PDE10A: variants seen among roughly 807,000 people sequenced by gnomAD.
PDE10A encodes cAMP and cAMP-inhibited cGMP 3',5'-cyclic phosphodiesterase 10A.
Under a neutral mutation model 97.7 loss-of-function variants are expected in PDE10A, and 39 were observed. The observed-to-expected ratio is 0.40, with a 90% CI of 0.31 to 0.52. PDE10A has a LOEUF of 0.52. Among genes scored for constraint, PDE10A ranks in the 20% least tolerant of loss-of-function variants. The pLI is 0.56. For synonymous variants in PDE10A, 371 were observed against 376.8 expected (o/e 0.98, Z 0.18); for missense variants, 731 against 1,047.8 (o/e 0.70, Z 4.17).
Position 165,655,363 on chromosome 6 carries a change from T to C in PDE10A, c.865+6584A>G, listed in dbSNP as rs973302717. Among the ~76,000 whole-genome samples the C allele has an allele frequency of 3.9e-5, 6 of 152,060 alleles. No individual in the cohort carries two copies. The highest frequency in any genetic ancestry group is 1.4e-4 in the African/African-American group (6 of 41,392). ...GAACACCACCAAACGCCACGCCTGA[T>C]TCCTTGCGCACCCCACGTGCTCCTC... On this transcript the variant is annotated intron_variant, in intron 1 of 21. Coordinates refer to ENST00000539869, the MANE Select transcript of PDE10A (RefSeq NM_001385079.1). This position sits in a 1 kb window ranked among gnomAD's most constrained non-coding sequence, Gnocchi z 4.5.
chr6:165,380,080 T>C (rs1283507745), intron 17 of PDE10A, among the ~76,000 whole-genome samples: 1 of 152,186 alleles, frequency 6.6e-6, no homozygotes, highest in Non-Finnish European at 1.5e-5. Context: ...ATATCCTTCG[T>C]GTATTAATCT....
At chr6:165,660,615 A>G (rs1267473249) in intron 1 of PDE10A, 40 of 152,628 alleles carry the variant, frequency 2.6e-4, no homozygotes, top group Non-Finnish European at 8.8e-5. Context: ...GTGAGCCCGG[A>G]GCAGCTTCGG....
At chr6:165,956,016 G>A (rs554910616) in intron 1 of PDE10A, among the ~76,000 whole-genome samples, 1 of 152,334 alleles carries the variant, frequency 6.6e-6, no homozygotes, top group African/African-American at 2.4e-5. Flanking sequence ...GGAAACATCT[G>A]TAAACTGCCT....
rs1002747647 is a variant in PDE10A at position 165,328,943 on chromosome 6, T to C, written c.*4082A>G. On this transcript the variant is annotated 3_prime_UTR_variant, in exon 22 of 22. Transcript: ENST00000539869. ...TACTTATGCACATGTAAAAATCTCA[T>C]GGCCATGCGCTGAAAGCATGGGGAA... 2.0e-5 allele frequency: 3 copies of C among 152,214 alleles called. No homozygotes were observed. The highest frequency in any genetic ancestry group is 4.8e-5 in the African/African-American group (2 of 41,460). The allele number at this position is 152,214 out of a possible 1,614,324, so 9.4% of individuals were successfully genotyped here.
intron 1 of PDE10A, among the ~76,000 whole-genome samples, chr6:165,903,836 G>A (rs1782184944): frequency 6.6e-6 from 1 of 152,202 alleles, no homozygotes; most frequent in African/African-American, 2.4e-5. Context: ...AGGAACCAAG[G>A]GAAGAGGGTG....
At chr6:165,699,028 A>G (rs568789255) in intron 1 of PDE10A, among the ~76,000 whole-genome samples, 14 of 152,218 alleles carry the variant, frequency 9.2e-5, no homozygotes, top group Non-Finnish European at 1.8e-4. Context: ...TGGGTTAACA[A>G]TTCATCAAAA....
intron 16 of PDE10A, among the ~76,000 whole-genome samples, chr6:165,389,991 C>T (rs997629841): frequency 5.9e-5 from 9 of 152,110 alleles, no homozygotes; most frequent in African/African-American, 2.2e-4. Flanking sequence ...TCAGGTTATG[C>T]CAAACATTGC....
intron 3 of PDE10A, among the ~76,000 whole-genome samples, chr6:165,465,856 C>T (rs1197129145): frequency 6.6e-6 from 1 of 152,120 alleles, no homozygotes; most frequent in African/African-American, 2.4e-5. Context: ...CAAAGCCAAA[C>T]CATATCAGGT....
At chr6:165,429,725 G>C (rs1055400701) in intron 9 of PDE10A, among the ~76,000 whole-genome samples, 9 of 151,978 alleles carry the variant, frequency 5.9e-5, no homozygotes, top group Non-Finnish European at 1.0e-4. Context: ...GCAGACTCCT[G>C]TAGTAAATAA....
At chr6:165,804,828 C>T (rs1047473456) in intron 1 of PDE10A, among the ~76,000 whole-genome samples, 1 of 151,400 alleles carries the variant, frequency 6.6e-6, no homozygotes, top group Non-Finnish European at 1.5e-5. Flanking sequence ...CAGGCGTGGG[C>T]GGCGACAGCT....
At chr6:165,788,628 T>C (rs1463301432) in intron 1 of PDE10A, among the ~76,000 whole-genome samples, 1 of 151,962 alleles carries the variant, frequency 6.6e-6, no homozygotes, top group Admixed American at 6.6e-5. Context: ...TTTCAGGGGA[T>C]ATTTAATCTA....
intron 1 of PDE10A, among the ~76,000 whole-genome samples, chr6:165,860,392 C>T (rs558688821): frequency 3.9e-5 from 6 of 152,226 alleles, no homozygotes; most frequent in African/African-American, 1.4e-4. Context: ...GCAGAGGTTG[C>T]GGTGAGCCGA....
At chr6:165,513,753 T>G (rs939311834) in intron 2 of PDE10A, among the ~76,000 whole-genome samples, 6 of 152,164 alleles carry the variant, frequency 3.9e-5, no homozygotes, top group Admixed American at 6.5e-5. Flanking sequence ...CTAAATGTCT[T>G]AAGTATTTTA....
rs1788612136 is a variant in PDE10A, at chr6:165,631,181, CAT to C, written c.865+30764_865+30765del. Among the ~76,000 whole-genome samples the C allele has an allele frequency of 5.9e-5, 9 of 152,284 alleles. No individual in the cohort carries two copies. In the South Asian group the frequency reaches 1.9e-3, roughly 32 times the overall value. On this transcript the variant is annotated intron_variant, in intron 1 of 21. Transcript: ENST00000539869. ...GAAATAGGTTAATCTTATTCAATTT[CAT>C]ATGTTATTAAGATTATCACTTTGGT...
At chr6:165,337,312 C>A (rs1781709618) in intron 20 of PDE10A, among the ~76,000 whole-genome samples, 1 of 152,178 alleles carries the variant, frequency 6.6e-6, no homozygotes, top group Admixed American at 6.5e-5. Context: ...AGACAAATAG[C>A]TCTCTAGAAG....
intron 3 of PDE10A, among the ~76,000 whole-genome samples, chr6:165,461,382 T>C (rs971253142): frequency 6.6e-6 from 1 of 152,216 alleles, no homozygotes; most frequent in Non-Finnish European, 1.5e-5. Flanking sequence ...TTCATTGTTT[T>C]ACAGATGGAT....
intron 3 of PDE10A, among the ~76,000 whole-genome samples, chr6:165,452,099 C>T (rs1341452962): frequency 6.6e-6 from 1 of 152,170 alleles, no homozygotes; most frequent in East Asian, 1.9e-4. Context: ...ATGAGAAACA[C>T]ATTTACAGGG....
intron 1 of PDE10A, among the ~76,000 whole-genome samples, chr6:165,546,142 T>C (rs751450256): frequency 6.6e-6 from 1 of 152,034 alleles, no homozygotes; most frequent in Non-Finnish European, 1.5e-5. Context: ...CATATTGCTA[T>C]GAGAAGAAAA....
At chr6:165,826,149 T>C (rs1379937803) in intron 1 of PDE10A, among the ~76,000 whole-genome samples, 1 of 152,180 alleles carries the variant, frequency 6.6e-6, no homozygotes, top group Non-Finnish European at 1.5e-5. Context: ...TTGTATTTCT[T>C]GATCACAGAG....
Sources: gnomAD v4.1 joint callset for allele counts (sites outside exome capture counted in the v4.1 genomes callset) on GRCh38, gnomAD v4.1.1 for gene constraint, Gnocchi (gnomAD v3.1) non-coding constraint, MANE v1.5 for transcripts, NCBI Gene and HGNC (gene_info 2026-07-23, HGNC 2026-07-21) for gene names.